Variants in LRRC43 observed in about 807,000 individuals in gnomAD.
The protein encoded by LRRC43 is leucine-rich repeat-containing protein 43.
Under a neutral mutation model 64.3 loss-of-function variants are expected in LRRC43, and 62 were observed. The observed-to-expected ratio is 0.96, with a 90% CI of 0.79 to 1.19. LRRC43 has a LOEUF of 1.19. Among genes scored for constraint, LRRC43 ranks in the 50% most tolerant of loss-of-function variants. The probability of loss-of-function intolerance (pLI) is 0.00; values close to 1 mark genes in which losing one functional copy is unlikely to be tolerated. For synonymous variants in LRRC43, 422 were observed against 382.3 expected, an observed-to-expected ratio of 1.10 and a Z score of -1.21; for missense variants, 868 against 845.0, an observed-to-expected ratio of 1.03 and a Z score of -0.34.
At chr12:122,179,563 A>C (rs1427334988), upstream of LRRC43, among the ~76,000 whole-genome samples, 1 of 152,196 alleles carries the variant, frequency 6.6e-6, no homozygotes, top group East Asian at 1.9e-4. Context: ...ACTGTAAGCC[A>C]GTAAGAGATG....
chr12:122,201,614 G>A (rs1278617829), intron 11 of LRRC43, among the ~76,000 whole-genome samples: 1 of 152,224 alleles, frequency 6.6e-6, no homozygotes, highest in Non-Finnish European at 1.5e-5. Context: ...GTTCCGAGGT[G>A]TCTGCCTCCA....
At position 122,184,670 on chromosome 12, in the gene LRRC43, C is replaced by T. The variant is rs767042268; in HGVS notation, c.302C>T (p.Ser101Leu). 26 of 1,613,840 alleles carry T rather than the reference C, an allele frequency of 1.6e-5. No individual in the cohort carries two copies. Among genetic ancestry groups the T allele is most frequent in the South Asian group, 5.5e-5 (5 of 91,078 alleles). Residue 101 changes from serine to leucine, a missense_variant, in exon 2 of 12, where the codon TCG becomes TTG. Physicochemically the swap from Ser to Leu is moderately radical, Grantham distance 145 (BLOSUM62 -2). Coordinates refer to ENST00000339777, the MANE Select transcript of LRRC43 (RefSeq NM_001098519.2). The surrounding 1 kb of genome is among the most constrained non-coding windows in gnomAD (Gnocchi z 4.0). ...TCCCCCTGGGCTCTGCTGAACAACT[C>T]GAATGCAGAAGACAGTTTCCTGAGA... The part of the protein sequence containing the change: ...RHSPWALLNN[S>L]NAEDSFLREL...
Position 122,184,906 on chromosome 12 carries a change from G to A in LRRC43, c.411+127G>A, listed in dbSNP as rs1953625866. ...TCAGGGCTGAAACGAAGGCCAGCCT[G>A]CCCTCCATCTGCTTCATCTCCCTGG... On this transcript the variant is annotated intron_variant, in intron 2 of 11. Transcript: ENST00000339777. The surrounding 1 kb of genome is among the most constrained non-coding windows in gnomAD (Gnocchi z 4.0). The A allele has an allele frequency of 5.8e-6, 6 of 1,027,552 alleles. No homozygotes were observed. The highest frequency in any genetic ancestry group is 8.5e-6 in the Non-Finnish European group (6 of 707,516). The allele number at this position is 1,027,552 out of a possible 1,614,324, so 63.7% of individuals were successfully genotyped here. A position where few individuals can be genotyped will look rare whatever the true frequency, so the allele number is the denominator to read the frequency against.
At chr12:122,168,558 G>A (rs529487887) in intron 1 of LRRC43, among the ~76,000 whole-genome samples, 79 of 151,910 alleles carry the variant, frequency 5.2e-4, no homozygotes, top group Non-Finnish European at 9.6e-4. Context: ...AAAGGGCTGG[G>A]ATTACAGGGG....
chr12:122,173,471 G>A (rs1230950730), intron 1 of LRRC43, among the ~76,000 whole-genome samples: 1 of 152,192 alleles, frequency 6.6e-6, no homozygotes, highest in African/African-American at 2.4e-5. Context: ...ATCACTTGAG[G>A]TCAGGAGTTC....
chr12:122,201,489 C>T (rs1221027278), intron 11 of LRRC43, among the ~76,000 whole-genome samples, 160 bp downstream of exon 11: 1 of 152,158 alleles, frequency 6.6e-6, no homozygotes, highest in Non-Finnish European at 1.5e-5. Context: ...TATTTCTTCT[C>T]TGCAGCCCTC....
At chr12:122,179,769 G>A (rs1038160773), upstream of LRRC43, among the ~76,000 whole-genome samples, 1 of 151,806 alleles carries the variant, frequency 6.6e-6, no homozygotes, top group Non-Finnish European at 1.5e-5. Context: ...TCAAAAGGTC[G>A]AGACCATCCT....
At chr12:122,188,528 C>T (rs377514201) in intron 4 of LRRC43, among the ~76,000 whole-genome samples, 1 of 151,026 alleles carries the variant, frequency 6.6e-6, no homozygotes, top group Non-Finnish European at 1.5e-5. Flanking sequence ...GCAACCTCCA[C>T]CTCCCAGGGT....
In LRRC43 at chr12:122,190,181, G is replaced by A; in HGVS notation, c.714G>A (p.Gln238=). The A allele has an allele frequency of 6.2e-7, 1 of 1,614,120 alleles. No homozygotes were observed. The highest frequency in any genetic ancestry group is 1.1e-5 in the South Asian group (1 of 91,070). ...DLGFNDLTDL[Q]SMVTSLRTLR... The stretch of plus-strand genomic sequence containing the variant: ...GCTTCAACGACCTGACAGACCTGCA[G>A]AGCATGGTCACCAGCCTGAGGACCC... Residue 238 remains glutamine (Q), a synonymous_variant, in exon 5 of 12, where the codon CAG becomes CAA. Transcript: ENST00000339777.
chr12:122,203,437 G>A lies in LRRC43; in HGVS notation c.1966G>A (p.Val656Met), dbSNP rs757672800. 3.7e-6 allele frequency: 6 copies of A among 1,610,174 alleles called. No individual in the cohort carries two copies. The highest frequency in any genetic ancestry group is 2.7e-5 in the African/African-American group (2 of 74,914). The change falls in exon 12 of 12, where the codon GTG (valine) becomes ATG (methionine). Residue 656 changes from valine to methionine, a missense_variant. Val to Met is a conservative substitution (Grantham distance 21). Transcript: ENST00000339777. ...GGAGGAGGCTCTGCGCATGTTCGCC[G>A]TGTAGGGCGTGGGCAGTAAAGGCTG... ...SAEEALRMFA[V>M]
Position 122,200,493 on chromosome 12 carries a change from T to C in LRRC43, c.1492-39T>C. The C allele has an allele frequency of 6.2e-7, 1 of 1,613,848 alleles. No individual in the cohort carries two copies. Among genetic ancestry groups the C allele is most frequent in the Non-Finnish European group, 8.5e-7 (1 of 1,179,906 alleles). On this transcript the variant is annotated intron_variant, in intron 8 of 11. Transcript: ENST00000339777. The surrounding 1 kb of genome is among the most constrained non-coding windows in gnomAD (Gnocchi z 4.6). ...GAGAGGTGACCCCAGGCAGCCCGCC[T>C]GGGCCTCTGCTCACTCGAGGATTCT...
At position 122,184,180 on chromosome 12, in the gene LRRC43, C is replaced by T. The variant is rs1593144382; in HGVS notation, c.151-339C>T. On this transcript the variant is annotated intron_variant, in intron 1 of 11. Transcript: ENST00000339777. This position sits in a 1 kb window ranked among gnomAD's most constrained non-coding sequence, Gnocchi z 4.0. ...CGTGATCTCGGCTCACTGCAACCTC[C>T]GCCTCCCGGGTTCAAACGATTCTCC... Among the ~76,000 whole-genome samples the T allele has an allele frequency of 2.6e-5, 4 of 151,662 alleles. No individual in the cohort carries two copies. Among genetic ancestry groups the T allele is most frequent in the Admixed American group, 6.6e-5 (1 of 15,224 alleles).
chr12:122,180,661 G>C (rs1593142413), upstream of LRRC43, among the ~76,000 whole-genome samples: 1 of 152,194 alleles, frequency 6.6e-6, no homozygotes, highest in South Asian at 2.1e-4. Flanking sequence ...CCTCTTCTGT[G>C]TATCTTGGGC....
chr12:122,179,987 A>AAGAG (rs930778512), upstream of LRRC43, among the ~76,000 whole-genome samples: 1 of 151,276 alleles, frequency 6.6e-6, no homozygotes, highest in East Asian at 1.9e-4. Context: ...AAAAAAAAAA[A>AAGAG]AGAGAGAGAG....
intron 3 of LRRC43, chr12:122,187,312 G>A (rs1001482162): frequency 3.7e-5 from 6 of 161,068 alleles, no homozygotes; most frequent in Non-Finnish European, 2.7e-5. Flanking sequence ...AAAAAGGTGG[G>A]TGAGGCCGTG....
chr12:122,189,555 G>C (rs759035202), intron 4 of LRRC43: 7 of 454,504 alleles, frequency 1.5e-5, no homozygotes, highest in Non-Finnish European at 3.1e-5. Flanking sequence ...TCTTGGTCTG[G>C]CCACAGGCCT....
At chr12:122,179,911 C>T (rs1414540267), upstream of LRRC43, among the ~76,000 whole-genome samples, 3 of 138,342 alleles carry the variant, frequency 2.2e-5, no homozygotes, top group African/African-American at 8.3e-5. Flanking sequence ...GTGGAGGTTG[C>T]GGTGAGCCGA....
intron 1 of LRRC43, chr12:122,172,676 G>C (rs776088239): frequency 1.2e-6 from 2 of 1,614,090 alleles, no homozygotes; most frequent in Non-Finnish European, 8.5e-7. Context: ...TTGGCGGCTG[G>C]GCGTCAGGGC....
chr12:122,190,168 T>C lies in LRRC43; in HGVS notation c.701T>C (p.Leu234Pro), dbSNP rs1345548720. ...TCCCTGGACCTGGGCTTCAACGACC[T>C]GACAGACCTGCAGAGCATGGTCACC... ...LVSLDLGFND[L>P]TDLQSMVTSL... The change falls in exon 5 of 12, where the codon CTG (leucine) becomes CCG (proline). Residue 234 changes from leucine (L) to proline (P), a missense_variant. Coordinates refer to ENST00000339777, the MANE Select transcript of LRRC43 (RefSeq NM_001098519.2). 2 of 1,614,010 alleles carry C rather than the reference T, an allele frequency of 1.2e-6. No individual in the cohort carries two copies. Among genetic ancestry groups the C allele is most frequent in the Non-Finnish European group, 8.5e-7 (1 of 1,180,028 alleles).
Sources: allele counts gnomAD v4.1 joint callset (sites outside exome capture counted in the v4.1 genomes callset), GRCh38; gene constraint gnomAD v4.1.1; non-coding constraint Gnocchi (gnomAD v3.1); transcripts MANE v1.5; gene names NCBI Gene and HGNC (gene_info 2026-07-23, HGNC 2026-07-21).